Variants in ZNF589 observed in about 807,000 individuals in gnomAD.
The protein encoded by ZNF589 is zinc finger protein 589.
ZNF589 carries 17 observed loss-of-function variants against 13.6 expected under a neutral mutation model. The observed-to-expected ratio is 1.25, with a 90% CI of 0.86 to 1.88. The LOEUF (loss-of-function observed/expected upper bound fraction) is 1.88. Among genes scored for constraint, ZNF589 ranks in the 40% most tolerant of loss-of-function variants. ZNF589 has a pLI of 0.00. For missense variants in ZNF589, 407 were observed against 434.0 expected (o/e 0.94, Z 0.55); for synonymous variants, 148 against 161.6 (o/e 0.92, Z 0.64).
chr3:48,245,585 T>C (rs1471764279), intron 1 of ZNF589, among the ~76,000 whole-genome samples: 1 of 152,180 alleles, frequency 6.6e-6, no homozygotes, highest in Non-Finnish European at 1.5e-5. Context: ...TCCCAGTTCC[T>C]TTTCTGAACT....
chr3:48,242,693 G>C lies in ZNF589; in HGVS notation c.43+1479G>C, dbSNP rs191903207. ...TTGTTACGACTAGTGGTCTGCTGTTGTGTGAAAGCAGCCAAAGACCATAGG... is the reference window on the plus strand; with the variant it reads ...TTGTTACGACTAGTGGTCTGCTGTTCTGTGAAAGCAGCCAAAGACCATAGG... On this transcript the variant is annotated intron_variant, in intron 1 of 3. Transcript: ENST00000354698. Among the ~76,000 whole-genome samples, 272 of 152,334 alleles carry C rather than the reference G, an allele frequency of 1.8e-3. 1 individual carries two copies. Among genetic ancestry groups the C allele is most frequent in the Non-Finnish European group, 2.1e-3 (144 of 68,030 alleles).
At chr3:48,255,377 T>G (rs1242018131) in intron 2 of ZNF589, among the ~76,000 whole-genome samples, 1 of 151,818 alleles carries the variant, frequency 6.6e-6, no homozygotes, top group African/African-American at 2.4e-5. Context: ...GGTTTCACCA[T>G]GTTGGCCAGG....
At position 48,268,889 on chromosome 3, in the gene ZNF589, A is replaced by G. The variant is rs1362858624; in HGVS notation, c.*103A>G. ...AGAGTGTGGGCGAGGCTTTCGTGCT[A>G]AATCAACTCTCCTCCTACACCAGTG... On this transcript the variant is annotated 3_prime_UTR_variant, in exon 4 of 4. Coordinates refer to ENST00000354698, the MANE Select transcript of ZNF589 (RefSeq NM_016089.3). The G allele has an allele frequency of 2.1e-6, 3 of 1,454,886 alleles. No individual in the cohort carries two copies. The highest frequency in any genetic ancestry group is 2.8e-6 in the Non-Finnish European group (3 of 1,073,536). 90.1% of individuals were successfully genotyped at this position (1,454,886 alleles called of 1,614,324 possible).
In ZNF589 at chr3:48,270,890, T is replaced by A. The variant is rs2106854478; in HGVS notation, c.*2104T>A. The A allele has an allele frequency of 5.5e-6, 1 of 180,442 alleles. No homozygotes were observed. The highest frequency in any genetic ancestry group is 2.4e-5 in the African/African-American group (1 of 41,996). 11.2% of individuals were successfully genotyped at this position (180,442 alleles called of 1,614,324 possible). ...TGGAATGTAGGATCTCCCCCATGCC[T>A]GGCCTACCACCCTAATGTGTCTGGA... On this transcript the variant is annotated 3_prime_UTR_variant, in exon 4 of 4. Transcript: ENST00000354698.
At chr3:48,255,837 C>T (rs1378482088) in intron 2 of ZNF589, among the ~76,000 whole-genome samples, 1 of 151,890 alleles carries the variant, frequency 6.6e-6, no homozygotes, top group East Asian at 1.9e-4. Flanking sequence ...AACTCCTGGG[C>T]TCAAGCAATC....
At chr3:48,245,957 A>C (rs908294222) in intron 1 of ZNF589, among the ~76,000 whole-genome samples, 2 of 151,906 alleles carry the variant, frequency 1.3e-5, no homozygotes, top group African/African-American at 4.8e-5. Flanking sequence ...AAAAAAAAAA[A>C]AACAGATATG....
intron 2 of ZNF589, chr3:48,256,617 A>G: frequency 2.4e-6 from 2 of 850,438 alleles, no homozygotes; most frequent in South Asian, 1.3e-5. Flanking sequence ...TCTTCCCGTC[A>G]TAGGCCTGTG....
chr3:48,264,573 A>T (rs1457820160), intron 3 of ZNF589, among the ~76,000 whole-genome samples: 1 of 151,860 alleles, frequency 6.6e-6, no homozygotes, highest in African/African-American at 2.4e-5. Context: ...TCACACCTGT[A>T]ATCCTTGCTC....
rs371798152 is a variant in ZNF589, at chr3:48,267,919, A to C, written c.228A>C (p.Glu76Asp). The C allele has an allele frequency of 6.2e-7, 1 of 1,604,976 alleles. No homozygotes were observed. The highest frequency in any genetic ancestry group is 8.5e-7 in the Non-Finnish European group (1 of 1,177,792). ...CTGGAAACTTTCTTTCTTCAGCAGA[A>C]TCAAAGCCAGAAGTCCATACCTGCC... ...ENLRNLVSLA[E>D]SKPEVHTCPS... The change falls in exon 4 of 4, where the codon GAA becomes GAC. Residue 76 changes from glutamate (E) to aspartate (D), a missense_variant. Physicochemically the swap from Glu to Asp is conservative, Grantham distance 45 (BLOSUM62 2). Transcript: ENST00000354698.
rs780941159 is a variant in ZNF589, at chr3:48,268,569, AC to A, written c.880del (p.His294ThrfsTer2). On this transcript the variant is annotated frameshift_variant, in exon 4 of 4. Transcript: ENST00000354698. LOFTEE classifies it low-confidence loss of function (END_TRUNC). ...TTTATAGTTGAGTCAGTCCTCCGCA[AC>A]CACCTGAGTACACACTCCGGGGAGA... ...RGFIVESVLR[N>X]HLSTHSGEKP... 1.7e-5 allele frequency: 27 copies of A among 1,611,228 alleles called. No homozygotes were observed. The highest frequency in any genetic ancestry group is 2.0e-5 in the Non-Finnish European group (24 of 1,179,202).
At chr3:48,247,115 C>G (rs1454665215) in intron 1 of ZNF589, among the ~76,000 whole-genome samples, 1 of 152,002 alleles carries the variant, frequency 6.6e-6, no homozygotes, top group Non-Finnish European at 1.5e-5. Flanking sequence ...GGATTATAGG[C>G]GTGCACTACC....
chr3:48,267,469 T>C (rs1468010033), intron 3 of ZNF589, among the ~76,000 whole-genome samples: 1 of 152,002 alleles, frequency 6.6e-6, no homozygotes, highest in Non-Finnish European at 1.5e-5. Flanking sequence ...TGATCTTGGC[T>C]CACTGCAACC....
At chr3:48,266,615 A>G (rs2034021797) in intron 3 of ZNF589, among the ~76,000 whole-genome samples, 1 of 152,212 alleles carries the variant, frequency 6.6e-6, no homozygotes. Flanking sequence ...AGATTGCCTG[A>G]GCTCAGGACT....
chr3:48,241,270 G>T, intron 1 of ZNF589, 56 bp downstream of exon 1: 1 of 1,596,572 alleles, frequency 6.3e-7, no homozygotes, highest in Non-Finnish European at 8.5e-7. Flanking sequence ...CGCAGGCGCC[G>T]CGCAGGCGTC....
At position 48,268,781 on chromosome 3, in the gene ZNF589, G is replaced by C; in HGVS notation, c.1090G>C (p.Asp364His). ...GGGGGATAAGCCTTATGTGTGCAGA[G>C]ATTGAGGCCGAGGCTTTGTAAGGAG... ...HTGDKPYVCR[D>H] Residue 364 changes from aspartate (D) to histidine (H), a missense_variant, in exon 4 of 4, where the codon GAT (aspartate) becomes CAT (histidine). Coordinates refer to ENST00000354698, the MANE Select transcript of ZNF589 (RefSeq NM_016089.3). The C allele has an allele frequency of 1.2e-6, 2 of 1,610,474 alleles. No individual in the cohort carries two copies. Among genetic ancestry groups the C allele is most frequent in the Non-Finnish European group, 1.7e-6 (2 of 1,177,996 alleles).
At chr3:48,262,337 G>A (rs953726620) in intron 3 of ZNF589, among the ~76,000 whole-genome samples, 7 of 151,936 alleles carry the variant, frequency 4.6e-5, no homozygotes, top group East Asian at 1.9e-4. Context: ...TTACAGGCGC[G>A]CATCACCACA....
chr3:48,248,891 C>A (rs532739247), intron 2 of ZNF589, among the ~76,000 whole-genome samples: 1 of 152,238 alleles, frequency 6.6e-6, no homozygotes, highest in East Asian at 1.9e-4. Flanking sequence ...ATTCGCGTAG[C>A]TTCATGAAGG....
chr3:48,253,484 C>T (rs1001179860), intron 2 of ZNF589, among the ~76,000 whole-genome samples: 3 of 148,292 alleles, frequency 2.0e-5, no homozygotes, highest in African/African-American at 7.5e-5. Flanking sequence ...CAAGGTAGTA[C>T]TAGTCATATT....
chr3:48,253,070 T>TC (rs2033857093), intron 2 of ZNF589, among the ~76,000 whole-genome samples: 1 of 152,148 alleles, frequency 6.6e-6, no homozygotes, highest in Non-Finnish European at 1.5e-5. Context: ...GATCCCTCTG[T>TC]TTCCCAGGCT....
Sources: allele counts gnomAD v4.1 joint callset (sites outside exome capture counted in the v4.1 genomes callset), GRCh38; gene constraint gnomAD v4.1.1; transcripts MANE v1.5; gene names NCBI Gene and HGNC (gene_info 2026-07-23, HGNC 2026-07-21).